Variants in PSMA1 observed in about 807,000 individuals in gnomAD.
The protein encoded by PSMA1 is proteasome subunit alpha type-1.
PSMA1 carries 3 observed loss-of-function variants against 38.4 expected under a neutral mutation model. The ratio of observed to expected loss-of-function variants is 0.08; its 90% confidence interval spans 0.04 to 0.20. The LOEUF is 0.20. PSMA1 is among the 10% of genes least tolerant of loss of function. PSMA1 has a pLI of 1.00. For synonymous variants in PSMA1, 101 were observed against 107.1 expected, an observed-to-expected ratio of 0.94 and a Z score of 0.35; for missense variants, 227 against 325.3, an observed-to-expected ratio of 0.70 and a Z score of 2.32.
At chr11:14,538,301 A>G (rs917977272) in intron 2 of PSMA1, among the ~76,000 whole-genome samples, 1 of 152,156 alleles carries the variant, frequency 6.6e-6, no homozygotes, top group African/African-American at 2.4e-5. Context: ...CAAATATTGA[A>G]TCCCTGTTTA....
At chr11:14,547,492 A>T (rs1851838108) in intron 2 of PSMA1, among the ~76,000 whole-genome samples, 5 of 152,224 alleles carry the variant, frequency 3.3e-5, no homozygotes, top group Admixed American at 3.3e-4. Flanking sequence ...CATTATAGTT[A>T]TAGATTTCAG....
Position 14,510,956 on chromosome 11 carries a change from A to G in PSMA1, c.545-5T>C, listed in dbSNP as rs1355539233. On this transcript the variant is annotated splice_region_variant and splice_polypyrimidine_tract_variant and intron_variant, in intron 7 of 9. Coordinates refer to ENST00000396394, the MANE Select transcript of PSMA1 (RefSeq NM_002786.4). The stretch of plus-strand genomic sequence containing the variant: ...TAACTAGTTCATTTAAATTACCTAT[A>G]TGTAATAAATTAACAATTATTTCTT... 1.3e-6 allele frequency: 2 copies of G among 1,528,068 alleles called. No individual in the cohort carries two copies. The highest frequency in any genetic ancestry group is 1.8e-6 in the Non-Finnish European group (2 of 1,118,928). The allele number at this position is 1,528,068 out of a possible 1,614,324, so 94.7% of individuals were successfully genotyped here.
At chr11:14,513,371 G>A (rs942637213) in intron 7 of PSMA1, 199 bp downstream of exon 7, 18 of 511,454 alleles carry the variant, frequency 3.5e-5, no homozygotes, top group Non-Finnish European at 4.8e-5. Flanking sequence ...TTCTACTCGT[G>A]CTTGAAACTA....
chr11:14,631,782 T>A (rs1261840635), intron 1 of PSMA1, among the ~76,000 whole-genome samples: 1 of 152,136 alleles, frequency 6.6e-6, no homozygotes, highest in Non-Finnish European at 1.5e-5. Flanking sequence ...AATCTCCCAT[T>A]ATTAATGTGT....
intron 4 of PSMA1, among the ~76,000 whole-genome samples, chr11:14,515,949 C>T (rs1245077000): frequency 1.3e-5 from 2 of 151,676 alleles, no homozygotes; most frequent in African/African-American, 2.4e-5. Context: ...CTGTGGCTCA[C>T]GCCTGTAATC....
At chr11:14,541,675 G>A (rs1171219545) in intron 2 of PSMA1, among the ~76,000 whole-genome samples, 1 of 152,230 alleles carries the variant, frequency 6.6e-6, no homozygotes, top group Admixed American at 6.5e-5. Flanking sequence ...ACTAGGGAGA[G>A]AAAAGTGCAA....
At chr11:14,627,028 C>G (rs1314439512) in intron 1 of PSMA1, among the ~76,000 whole-genome samples, 1 of 152,170 alleles carries the variant, frequency 6.6e-6, no homozygotes, top group Non-Finnish European at 1.5e-5. Flanking sequence ...AGATAGCCCC[C>G]TTCTTGCTGT....
At chr11:14,510,481 ACTGT>A (rs1182739857) in intron 8 of PSMA1, among the ~76,000 whole-genome samples, 1 of 152,134 alleles carries the variant, frequency 6.6e-6, no homozygotes, top group Non-Finnish European at 1.5e-5. Flanking sequence ...TTATGTATAT[ACTGT>A]CTATCTTTCC....
At chr11:14,624,553 G>A (rs149591910) in intron 1 of PSMA1, among the ~76,000 whole-genome samples, 12 of 152,296 alleles carry the variant, frequency 7.9e-5, no homozygotes, top group African/African-American at 9.6e-5. Context: ...CCGAGAGGGA[G>A]TGCACTCTTG....
At chr11:14,551,345 C>T (rs918844372) in intron 2 of PSMA1, among the ~76,000 whole-genome samples, 2 of 152,034 alleles carry the variant, frequency 1.3e-5, no homozygotes, top group East Asian at 1.9e-4. Flanking sequence ...AATTTAGAGT[C>T]CCTACGTAAT....
chr11:14,632,799 T>A (rs1222669763), intron 1 of PSMA1, among the ~76,000 whole-genome samples: 1 of 151,908 alleles, frequency 6.6e-6, no homozygotes. Flanking sequence ...CACTTTCAGG[T>A]ACACCAATCA....
At chr11:14,533,573 T>A (rs1461319837) in intron 2 of PSMA1, among the ~76,000 whole-genome samples, 5 of 114,316 alleles carry the variant, frequency 4.4e-5, no homozygotes, top group Non-Finnish European at 7.1e-5. Context: ...TTTTTCTTTT[T>A]TCTTTTCTTT....
At chr11:14,530,603 ATT>A (rs1350780842) in intron 2 of PSMA1, among the ~76,000 whole-genome samples, 1 of 152,206 alleles carries the variant, frequency 6.6e-6, no homozygotes, top group African/African-American at 2.4e-5. Context: ...GCTCAATAAA[ATT>A]TAGTTAAGAG....
intron 1 of PSMA1, among the ~76,000 whole-genome samples, chr11:14,616,938 C>G (rs10832284): frequency 0.15 from 23,091 of 152,152 alleles, 2,690 homozygotes; most frequent in African/African-American, 0.33. Flanking sequence ...TGGAGAATGT[C>G]GTTTGTATCT....
chr11:14,553,814 T>G (rs1388749676), intron 2 of PSMA1, among the ~76,000 whole-genome samples: 1 of 152,178 alleles, frequency 6.6e-6, no homozygotes, highest in African/African-American at 2.4e-5. Context: ...AACATAAATT[T>G]TCATTACTCT....
intron 2 of PSMA1, among the ~76,000 whole-genome samples, chr11:14,602,458 C>A (rs540016074): frequency 6.6e-6 from 1 of 151,776 alleles, no homozygotes; most frequent in East Asian, 1.9e-4. Flanking sequence ...TTTTAGACTT[C>A]CAGAGGTATG....
At chr11:14,537,004 C>T (rs1014144296) in intron 2 of PSMA1, among the ~76,000 whole-genome samples, 1 of 152,200 alleles carries the variant, frequency 6.6e-6, no homozygotes, top group African/African-American at 2.4e-5. Flanking sequence ...AGAGAACAGA[C>T]ATTTTATGAT....
intron 8 of PSMA1, among the ~76,000 whole-genome samples, chr11:14,510,391 A>G (rs1460133515): frequency 6.6e-6 from 1 of 152,052 alleles, no homozygotes; most frequent in African/African-American, 2.4e-5. Flanking sequence ...CCTACATCCA[A>G]TTGGTCATTC....
At chr11:14,570,277 T>C (rs910130390) in intron 2 of PSMA1, among the ~76,000 whole-genome samples, 31 of 152,096 alleles carry the variant, frequency 2.0e-4, no homozygotes, top group Non-Finnish European at 4.4e-5. Flanking sequence ...GCAGAAAAGA[T>C]GAAAATTCTA....
Sources: gnomAD v4.1 joint callset for allele counts (sites outside exome capture counted in the v4.1 genomes callset) on GRCh38, gnomAD v4.1.1 for gene constraint, MANE v1.5 for transcripts, NCBI Gene and HGNC (gene_info 2026-07-23, HGNC 2026-07-21) for gene names.